The following USP13 variants were observed in gnomAD, a reference collection of about 807,000 sequenced individuals.
The protein encoded by USP13 is ubiquitin specific peptidase 13.
A neutral mutation model predicts 107.8 loss-of-function variants in USP13; 68 were observed. The observed-to-expected ratio is 0.63, with a 90% CI of 0.52 to 0.77. USP13 has a LOEUF of 0.77. Ranked by LOEUF, USP13 falls within the 30% of genes least tolerant of loss-of-function variation. USP13 has a pLI of 0.00. For missense variants in USP13, 945 were observed against 1,093.3 expected, an observed-to-expected ratio of 0.86 and a Z score of 1.91; for synonymous variants, 377 against 389.5, an observed-to-expected ratio of 0.97 and a Z score of 0.38.
chr3:179,738,943 G>C (rs1714086319), intron 10 of USP13, among the ~76,000 whole-genome samples: 1 of 152,216 alleles, frequency 6.6e-6, no homozygotes, highest in Admixed American at 6.5e-5. Context: ...TTGGAGATTA[G>C]AGAAGTAGGC....
rs867868803 is a variant in USP13 at position 179,767,353 on chromosome 3, C to T, written c.2413+1505C>T. 2.0e-5 allele frequency among the ~76,000 whole-genome samples: 3 copies of T among 151,944 alleles called. No individual in the cohort carries two copies. In the South Asian group the frequency reaches 6.2e-4, roughly 32 times the overall value. On this transcript the variant is annotated intron_variant, in intron 19 of 20. Transcript: ENST00000263966. ...TCTCATAGCTAGTGATGGATAGAAC[C>T]ACAATTCCAGTGCAGGCAGTCTGCC...
At position 179,707,043 on chromosome 3, in the gene USP13, C is replaced by T. The variant is rs756914382; in HGVS notation, c.587C>T (p.Thr196Ile). Residue 196 changes from threonine (T) to isoleucine (I), a missense_variant, in exon 5 of 21, where the codon ACC (threonine) becomes ATC (isoleucine). By Grantham distance (89) the Thr-to-Ile change is moderately conservative. Transcript: ENST00000263966. ...LPVSKYANNL[T>I]QLDNGVRIPP... Reference sequence around the variant, plus strand: ...GTATCTAAATATGCCAACAACCTCACCCAGCTGGACAATGGAGTCAGGATT... The same window carrying T: ...GTATCTAAATATGCCAACAACCTCATCCAGCTGGACAATGGAGTCAGGATT... 2 of 1,614,096 alleles carry T rather than the reference C, an allele frequency of 1.2e-6. No homozygotes were observed. The highest frequency in any genetic ancestry group is 1.3e-5 in the African/African-American group (1 of 75,026).
intron 20 of USP13, 121 bp downstream of exon 20, chr3:179,781,944 G>GGCGTTAACA: frequency 1.2e-6 from 1 of 866,786 alleles, no homozygotes; most frequent in Non-Finnish European, 1.8e-6. Context: ...TCTTGTAAAG[G>GGCGTTAACA]GTATACTGTT....
At chr3:179,736,800 A>G in intron 10 of USP13, among the ~76,000 whole-genome samples, 1 of 152,310 alleles carries the variant, frequency 6.6e-6, no homozygotes, top group East Asian at 1.9e-4. Flanking sequence ...GTATGGCCAC[A>G]TGATGGCCCA....
At position 179,655,548 on chromosome 3, in the gene USP13, G is replaced by GTTT. The variant is rs150977876; in HGVS notation, c.168+2161_168+2163dup. Among the ~76,000 whole-genome samples, 277 of 131,250 alleles carry GTTT rather than the reference G, an allele frequency of 2.1e-3. 18 individuals carry two copies. The highest frequency in any genetic ancestry group is 8.7e-3 in the African/African-American group (259 of 29,806). The allele number at this position is 131,250 out of a possible 152,430, so 86.1% of individuals were successfully genotyped here. Reference sequence around the variant, plus strand: ...AAGCACAGTGCGTGATAATGGGAAGGTTTTTTTTGTTTTGTTTTGTTTTTT... The same window carrying GTTT: ...AAGCACAGTGCGTGATAATGGGAAGGTTTTTTTTTTTGTTTTGTTTTGTTTTTT... On this transcript the variant is annotated intron_variant, in intron 1 of 20. Coordinates refer to ENST00000263966, the MANE Select transcript of USP13 (RefSeq NM_003940.3).
At chr3:179,720,847 T>C (rs1056563536) in intron 7 of USP13, among the ~76,000 whole-genome samples, 3 of 151,922 alleles carry the variant, frequency 2.0e-5, no homozygotes, top group South Asian at 4.2e-4. Context: ...TCGCTCTTGT[T>C]GCCCAGGCTG....
At chr3:179,702,449 A>G (rs1412435587) in intron 4 of USP13, among the ~76,000 whole-genome samples, 1 of 152,162 alleles carries the variant, frequency 6.6e-6, no homozygotes, top group African/African-American at 2.4e-5. Context: ...TCCTCAAACC[A>G]TGCCAGAACC....
intron 1 of USP13, among the ~76,000 whole-genome samples, chr3:179,654,849 C>A (rs79590011): frequency 0.034 from 5,228 of 152,224 alleles, 168 homozygotes; most frequent in East Asian, 0.15. Context: ...GAGTTAGTAT[C>A]CTCTCTGTGA....
At chr3:179,771,063 G>T (rs924565556) in intron 19 of USP13, among the ~76,000 whole-genome samples, 1 of 152,168 alleles carries the variant, frequency 6.6e-6, no homozygotes, top group East Asian at 1.9e-4. Flanking sequence ...ATGAAAGCTG[G>T]CAAGTCCTGG....
intron 1 of USP13, among the ~76,000 whole-genome samples, chr3:179,668,686 T>G (rs1364680188): frequency 6.6e-6 from 1 of 152,122 alleles, no homozygotes; most frequent in East Asian, 1.9e-4. Flanking sequence ...CCTCCCAAAG[T>G]GCTGAGATTA....
chr3:179,731,052 G>C (rs1329159268), intron 10 of USP13, among the ~76,000 whole-genome samples: 1 of 152,094 alleles, frequency 6.6e-6, no homozygotes, highest in Non-Finnish European at 1.5e-5. Flanking sequence ...GGCACTTACA[G>C]TGTCTTCCTT....
At chr3:179,711,366 C>T in intron 6 of USP13, among the ~76,000 whole-genome samples, 1 of 152,046 alleles carries the variant, frequency 6.6e-6, no homozygotes, top group Non-Finnish European at 1.5e-5. Context: ...GGTGCCCCAA[C>T]CACGCCCAGG....
rs773979149 is a variant in USP13 at position 179,765,889 on chromosome 3, A to G, written c.2413+41A>G. On this transcript the variant is annotated intron_variant, in intron 19 of 20. Transcript: ENST00000263966. ...AGAGGCTGTCTGAGCAGTCAGAACT[A>G]TACGTTCAGCTCATGCCCTTCCCTC... is the stretch of plus-strand genomic sequence containing the variant. 5.6e-6 allele frequency: 9 copies of G among 1,598,656 alleles called. No individual in the cohort carries two copies. In the South Asian group the frequency reaches 8.0e-5, roughly 14 times the overall value.
At chr3:179,692,361 C>G (rs2108465742) in intron 3 of USP13, among the ~76,000 whole-genome samples, 2 of 152,342 alleles carry the variant, frequency 1.3e-5, no homozygotes, top group Admixed American at 1.3e-4. Flanking sequence ...TTCTCAGTTA[C>G]TCTGTGCTGG....
chr3:179,763,114 C>T (rs993248074), intron 17 of USP13, among the ~76,000 whole-genome samples: 2 of 152,198 alleles, frequency 1.3e-5, no homozygotes, highest in Non-Finnish European at 2.9e-5. Flanking sequence ...TTTACAAATT[C>T]CAGATACGAG....
At chr3:179,680,165 G>A (rs1711596297) in intron 1 of USP13, among the ~76,000 whole-genome samples, 1 of 132,004 alleles carries the variant, frequency 7.6e-6, no homozygotes, top group South Asian at 2.6e-4. Context: ...AGAGTGAGAC[G>A]CTGTTGAAAA....
rs754946746 is a variant in USP13 at position 179,721,897 on chromosome 3, C to T, written c.1088+308C>T. ...CCAGCCTGACCAACATGACGAAACC[C>T]GTCTCTACTAAAAATACAAAAATTA... On this transcript the variant is annotated intron_variant, in intron 8 of 20. Coordinates refer to ENST00000263966, the MANE Select transcript of USP13 (RefSeq NM_003940.3). The surrounding 1 kb of genome is among the most constrained non-coding windows in gnomAD (Gnocchi z 4.3). Among the ~76,000 whole-genome samples the T allele has an allele frequency of 8.6e-5, 13 of 151,746 alleles. No individual in the cohort carries two copies. The highest frequency in any genetic ancestry group is 1.6e-4 in the Non-Finnish European group (11 of 67,950).
intron 8 of USP13, among the ~76,000 whole-genome samples, chr3:179,723,442 A>G (rs547500642): frequency 7.7e-4 from 117 of 152,318 alleles, no homozygotes; most frequent in Non-Finnish European, 1.5e-3. Context: ...CATTAAGAAA[A>G]TAATCATAGT....
At chr3:179,756,869 G>A (rs12486417) in intron 15 of USP13, among the ~76,000 whole-genome samples, 183 bp from the exon 16 acceptor site, 6,474 of 152,232 alleles carry the variant, frequency 0.043, 287 homozygotes, top group Middle Eastern at 0.2. Context: ...ACGCCTGAAA[G>A]CTATTACTTT....
Sources: allele counts gnomAD v4.1 joint callset (sites outside exome capture counted in the v4.1 genomes callset), GRCh38; gene constraint gnomAD v4.1.1; non-coding constraint Gnocchi (gnomAD v3.1); transcripts MANE v1.5; gene names NCBI Gene and HGNC (gene_info 2026-07-23, HGNC 2026-07-21).